The following CD99L2 variants were observed in gnomAD, a reference collection of about 807,000 sequenced individuals.
CD99L2 encodes CD99 molecule like 2.
In CD99L2, 24 loss-of-function variants were observed where a neutral mutation model predicts 27.3. That is an observed-to-expected ratio of 0.88 (90% CI 0.64 to 1.24). The LOEUF (loss-of-function observed/expected upper bound fraction) is 1.24. Ranked by LOEUF, CD99L2 falls within the 50% of genes most tolerant of loss-of-function variation. The pLI is 0.00. For missense variants in CD99L2, 255 were observed against 221.6 expected, an observed-to-expected ratio of 1.15 and a Z score of -0.96; for synonymous variants, 97 against 87.9, an observed-to-expected ratio of 1.10 and a Z score of -0.58.
intron 5 of CD99L2, 62 bp from the exon 6 acceptor site, chrX:150,795,351 G>A: frequency 8.3e-7 from 1 of 1,206,304 alleles, no homozygotes; most frequent in Non-Finnish European, 1.1e-6. Context: ...AGCTCATTTG[G>A]ATCCTGTCTC....
At chrX:150,830,601 C>T (rs1456714972) in intron 2 of CD99L2, among the ~76,000 whole-genome samples, 1 of 109,453 alleles carries the variant, frequency 9.1e-6, no homozygotes, top group Non-Finnish European at 1.9e-5. Context: ...AAAGGAGAAA[C>T]AAATCTTTTA....
At chrX:150,778,307 A>G (rs2045438860) in intron 7 of CD99L2, among the ~76,000 whole-genome samples, 1 of 110,331 alleles carries the variant, frequency 9.1e-6, no homozygotes, top group South Asian at 3.9e-4. Context: ...CCGAACACTC[A>G]TTAATGGAGG....
intron 1 of CD99L2, among the ~76,000 whole-genome samples, chrX:150,883,926 G>A (rs2047369880): frequency 8.9e-6 from 1 of 112,033 alleles, no homozygotes; most frequent in Non-Finnish European, 1.9e-5. Flanking sequence ...AAAAGCCCCA[G>A]TAGGCTAAAT....
chrX:150,885,852 C>T (rs1603320651), intron 1 of CD99L2, among the ~76,000 whole-genome samples: 1 of 112,193 alleles, frequency 8.9e-6, no homozygotes. Context: ...TTCTTTTTCA[C>T]TGGTTCGCAG....
At chrX:150,880,725 G>A (rs1446804485) in intron 1 of CD99L2, among the ~76,000 whole-genome samples, 2 of 111,715 alleles carry the variant, frequency 1.8e-5, no homozygotes, top group African/African-American at 6.5e-5. Context: ...TTAACATGTG[G>A]GAGGAGAAAG....
intron 3 of CD99L2, among the ~76,000 whole-genome samples, chrX:150,815,690 C>T (rs1569565976): frequency 1.8e-5 from 2 of 112,258 alleles, no homozygotes; most frequent in Non-Finnish European, 1.9e-5. Flanking sequence ...AAAGAAAATG[C>T]TTGATCGGCT....
chrX:150,786,709 C>T (rs1303580583), intron 7 of CD99L2, among the ~76,000 whole-genome samples: 1 of 111,692 alleles, frequency 9.0e-6, no homozygotes. Flanking sequence ...TATGATAGAG[C>T]AATTTGTGTT....
chrX:150,849,504 A>C (rs1557421548), intron 1 of CD99L2, among the ~76,000 whole-genome samples: 3 of 110,284 alleles, frequency 2.7e-5, no homozygotes, highest in Non-Finnish European at 5.7e-5. Context: ...ACAGGGTGAG[A>C]CTCCATCTCT....
intron 1 of CD99L2, among the ~76,000 whole-genome samples, chrX:150,893,433 C>T (rs2047552596): frequency 9.2e-6 from 1 of 108,965 alleles, no homozygotes; most frequent in African/African-American, 3.3e-5. Context: ...CCCAATACCC[C>T]AAGTCAGCCC....
chrX:150,834,728 CTGTG>C (rs1214819256), intron 1 of CD99L2, among the ~76,000 whole-genome samples: 3 of 111,856 alleles, frequency 2.7e-5, no homozygotes, highest in Non-Finnish European at 3.8e-5. Context: ...AGTCCCAGTT[CTGTG>C]TGTGTATTAA....
intron 3 of CD99L2, 47 bp downstream of exon 3, chrX:150,815,960 C>A: frequency 8.7e-7 from 1 of 1,155,273 alleles, no homozygotes; most frequent in Non-Finnish European, 1.2e-6. Flanking sequence ...CCAGAGGGAA[C>A]TCCAGAGGGC....
intron 4 of CD99L2, among the ~76,000 whole-genome samples, chrX:150,801,369 C>CA (rs1393870131): frequency 1.8e-5 from 2 of 111,872 alleles, no homozygotes; most frequent in Admixed American, 1.9e-4. Context: ...TAGTGGAAGG[C>CA]AAAAGGGAGA....
rs1557418920 is a variant in CD99L2, at chrX:150,769,690, CCTCGG to C, written c.722-594_722-590del. Reference sequence around the variant, plus strand: ...TAGTCTCCCTGCCTGCGCCACCAGGCCTCGGCTGCTCCCCGACCCCAGCAAGCCTT... The same window carrying C: ...TAGTCTCCCTGCCTGCGCCACCAGGCCTGCTCCCCGACCCCAGCAAGCCTT... On this transcript the variant is annotated intron_variant, in intron 10 of 10. Transcript: ENST00000370377. Among the ~76,000 whole-genome samples, 532 of 78,890 alleles carry C rather than the reference CCTCGG, an allele frequency of 6.7e-3. 1 individual carries two copies. In the African/African-American group the frequency reaches 0.077, roughly 11 times the overall value. 68.5% of individuals were successfully genotyped at this position (78,890 alleles called of 115,157 possible). A position where few individuals can be genotyped will look rare whatever the true frequency, so the allele number is the denominator to read the frequency against.
intron 1 of CD99L2, among the ~76,000 whole-genome samples, chrX:150,881,060 A>G (rs782694752): frequency 1.8e-5 from 2 of 111,147 alleles, no homozygotes; most frequent in East Asian, 5.7e-4. Context: ...CCTCCTAGCG[A>G]GAGGGAGCTA....
At chrX:150,809,943 A>C in intron 4 of CD99L2, among the ~76,000 whole-genome samples, 1 of 112,195 alleles carries the variant, frequency 8.9e-6, no homozygotes, top group East Asian at 2.8e-4. Context: ...TGTATCAAAA[A>C]ACAGAGACTC....
At chrX:150,860,316 CG>C (rs2046956319) in intron 1 of CD99L2, among the ~76,000 whole-genome samples, 4 of 147 alleles carry the variant, frequency 0.027, no homozygotes, top group East Asian at 0.25. Context: ...AAGAAACATA[CG>C]TTCAAAATAC....
chrX:150,802,292 G>A (rs542124081), intron 4 of CD99L2, among the ~76,000 whole-genome samples: 5 of 111,065 alleles, frequency 4.5e-5, no homozygotes, highest in African/African-American at 9.8e-5. Context: ...AGGATGGGAC[G>A]GTGGCTCACG....
intron 4 of CD99L2, among the ~76,000 whole-genome samples, chrX:150,798,560 T>C (rs1281380479): frequency 9.0e-6 from 1 of 110,670 alleles, no homozygotes; most frequent in Non-Finnish European, 1.9e-5. Context: ...TTCTTAGACA[T>C]GGTGGCATGA....
At chrX:150,771,458 G>A (rs1440083536) in intron 9 of CD99L2, among the ~76,000 whole-genome samples, 1 of 112,244 alleles carries the variant, frequency 8.9e-6, no homozygotes, top group Admixed American at 9.3e-5. Flanking sequence ...TGAGCCTCGT[G>A]ATCACTGCTA....
Sources: gnomAD v4.1 joint callset for allele counts (sites outside exome capture counted in the v4.1 genomes callset) on GRCh38, gnomAD v4.1.1 for gene constraint, MANE v1.5 for transcripts, NCBI Gene and HGNC (gene_info 2026-07-23, HGNC 2026-07-21) for gene names.